The following NBEA variants were observed in gnomAD, a reference collection of about 807,000 sequenced individuals.
The protein encoded by NBEA is neurobeachin.
In NBEA, 44 loss-of-function variants were observed where a neutral mutation model predicts 343.4. The ratio of observed to expected loss-of-function variants is 0.13; its 90% CI spans 0.10 to 0.16. NBEA has a LOEUF of 0.16. NBEA is among the 10% of genes least tolerant of loss of function. The pLI is 1.00. For missense variants in NBEA, 2,555 were observed against 3,631.3 expected, an observed-to-expected ratio of 0.70 and a Z score of 7.62; for synonymous variants, 1,175 against 1,238.7, an observed-to-expected ratio of 0.95 and a Z score of 1.08.
At chr13:35,396,535 T>C (rs1019789305) in intron 38 of NBEA, among the ~76,000 whole-genome samples, 9 of 152,146 alleles carry the variant, frequency 5.9e-5, no homozygotes, top group Non-Finnish European at 1.2e-4. Flanking sequence ...ATGTAAAACA[T>C]AGAAACCTTG....
Position 35,523,068 on chromosome 13 carries a change from T to C in NBEA, c.6586-27409T>C, listed in dbSNP as rs143270311. On this transcript the variant is annotated intron_variant, in intron 41 of 58. Coordinates refer to ENST00000379939, the MANE Select transcript of NBEA (RefSeq NM_001385012.1). ...TTACAGATGAGTCCCAAATGTTTAGTTTGATGGCTTTATGAATAGTGTTGC... is the reference window on the plus strand; with the variant it reads ...TTACAGATGAGTCCCAAATGTTTAGCTTGATGGCTTTATGAATAGTGTTGC... Among the ~76,000 whole-genome samples the C allele has an allele frequency of 1.1e-3, 171 of 152,324 alleles. 1 individual carries two copies. The highest frequency in any genetic ancestry group is 3.8e-3 in the African/African-American group (158 of 41,584).
intron 46 of NBEA, among the ~76,000 whole-genome samples, chr13:35,590,379 G>C (rs959493700): frequency 6.6e-6 from 1 of 152,116 alleles, no homozygotes; most frequent in Non-Finnish European, 1.5e-5. Flanking sequence ...CCTTAAGACA[G>C]TTGTTAATCA....
intron 41 of NBEA, among the ~76,000 whole-genome samples, chr13:35,494,839 ATC>A (rs1289517458): frequency 1.3e-5 from 2 of 151,770 alleles, no homozygotes; most frequent in African/African-American, 4.8e-5. Flanking sequence ...GCAAAACTCC[ATC>A]TCTACAAAAA....
Position 34,942,887 on chromosome 13 carries a change from G to T in NBEA, c.67G>T (p.Gly23Trp), listed in dbSNP as rs1382150762. The T allele has an allele frequency of 6.9e-7, 1 of 1,454,092 alleles. No individual in the cohort carries two copies. The highest frequency in any genetic ancestry group is 9.1e-7 in the Non-Finnish European group (1 of 1,096,212). The allele number at this position is 1,454,092 out of a possible 1,614,324, so 90.1% of individuals were successfully genotyped here. Residue 23 changes from glycine (G) to tryptophan (W), a missense_variant, in exon 1 of 59, where the codon GGG (glycine) becomes TGG (tryptophan). This residue lies in a region of NBEA where 122 missense variants were observed against 91.0 expected (regional missense o/e 1.34). Coordinates refer to ENST00000379939, the MANE Select transcript of NBEA (RefSeq NM_001385012.1). The part of the protein sequence containing the change: ...EPQPVGLIAV[G>W]AAGGGGGGSG... ...TCAGCCCGTGGGGCTCATTGCCGTC[G>T]GGGCCGCTGGCGGAGGCGGCGGGGG...
chr13:35,178,882 G>A (rs929133276), intron 28 of NBEA, among the ~76,000 whole-genome samples: 3 of 151,422 alleles, frequency 2.0e-5, no homozygotes, highest in African/African-American at 7.3e-5. Context: ...CTGAAAAAAT[G>A]TGTTGTGAAA....
chr13:35,357,529 TGTAA>T (rs2040559987), intron 38 of NBEA, among the ~76,000 whole-genome samples: 1 of 152,100 alleles, frequency 6.6e-6, no homozygotes, highest in African/African-American at 2.4e-5. Flanking sequence ...AGCTCCCACT[TGTAA>T]GTGAGAACAC....
intron 1 of NBEA, among the ~76,000 whole-genome samples, chr13:34,991,430 C>T (rs1213895894): frequency 6.6e-6 from 1 of 152,200 alleles, no homozygotes; most frequent in Non-Finnish European, 1.5e-5. Context: ...CACATCTTCA[C>T]ATGGCAGAGC....
At chr13:35,273,835 A>G (rs977692308) in intron 34 of NBEA, among the ~76,000 whole-genome samples, 4 of 152,198 alleles carry the variant, frequency 2.6e-5, no homozygotes, top group African/African-American at 9.6e-5. Context: ...ATCTCTGAAC[A>G]GGACAATAAT....
At chr13:35,499,785 CAATT>C (rs2076816818) in intron 41 of NBEA, among the ~76,000 whole-genome samples, 1 of 152,060 alleles carries the variant, frequency 6.6e-6, no homozygotes, top group Admixed American at 6.6e-5. Flanking sequence ...AGAAGAAACA[CAATT>C]AAACTGTTGC....
At chr13:35,407,286 A>G (rs894156988) in intron 38 of NBEA, among the ~76,000 whole-genome samples, 13 of 152,086 alleles carry the variant, frequency 8.5e-5, no homozygotes, top group African/African-American at 3.1e-4. Context: ...ATCTGTGGTT[A>G]TCACATTGAA....
intron 41 of NBEA, among the ~76,000 whole-genome samples, chr13:35,541,725 G>GGTGTGTGTGT (rs3075505): frequency 0.011 from 1,614 of 145,200 alleles, 16 homozygotes; most frequent in East Asian, 0.032. Flanking sequence ...GGTCTGCATG[G>GGTGTGTGTGT]GTGTGTGTGT....
chr13:35,176,235 A>G (rs1387533460), intron 27 of NBEA, among the ~76,000 whole-genome samples: 2 of 152,086 alleles, frequency 1.3e-5, no homozygotes, highest in African/African-American at 4.8e-5. Context: ...CATGATTGAC[A>G]TTCATTGAGA....
intron 46 of NBEA, among the ~76,000 whole-genome samples, chr13:35,586,012 CT>C (rs1387632546): frequency 1.3e-5 from 2 of 152,158 alleles, no homozygotes; most frequent in Non-Finnish European, 2.9e-5. Context: ...GATAGGAGCA[CT>C]ATAAGTGACT....
At chr13:35,200,279 A>G (rs190678425) in intron 31 of NBEA, among the ~76,000 whole-genome samples, 106 of 151,968 alleles carry the variant, frequency 7.0e-4, no homozygotes, top group Admixed American at 4.3e-3. Flanking sequence ...ACTTTGGAGT[A>G]ATGCTTTTAT....
At chr13:35,361,513 A>C (rs2040805387) in intron 38 of NBEA, among the ~76,000 whole-genome samples, 1 of 152,082 alleles carries the variant, frequency 6.6e-6, no homozygotes, top group African/African-American at 2.4e-5. Flanking sequence ...CTTGACCTGC[A>C]CTGCGGACCA....
intron 8 of NBEA, among the ~76,000 whole-genome samples, chr13:35,064,202 G>C (rs1167361481): frequency 6.6e-6 from 1 of 151,910 alleles, no homozygotes; most frequent in African/African-American, 2.4e-5. Context: ...TTAGGTACCA[G>C]TGAAGTGAGT....
chr13:35,583,852 A>G, intron 45 of NBEA, 46 bp from the exon 46 acceptor site: 1 of 1,383,280 alleles, frequency 7.2e-7, no homozygotes, highest in South Asian at 1.3e-5. Context: ...TATCTAGGAT[A>G]TCTAATATGA....
At chr13:35,651,608 C>T (rs974635683) in intron 52 of NBEA, among the ~76,000 whole-genome samples, 197 bp from the exon 53 acceptor site, 2 of 152,130 alleles carry the variant, frequency 1.3e-5, no homozygotes, top group Admixed American at 6.6e-5. Context: ...CCTTGTACAT[C>T]GTAAGTGGAA....
chr13:35,381,255 C>A (rs1197929553), intron 38 of NBEA, among the ~76,000 whole-genome samples: 1 of 152,122 alleles, frequency 6.6e-6, no homozygotes, highest in East Asian at 1.9e-4. Context: ...GGAATATATA[C>A]TTTCTTTCAT....
Sources: gnomAD v4.1 joint callset for allele counts (sites outside exome capture counted in the v4.1 genomes callset) on GRCh38, gnomAD v4.1.1 for gene constraint, gnomAD v4.1.1 regional missense constraint, MANE v1.5 for transcripts, NCBI Gene and HGNC (gene_info 2026-07-23, HGNC 2026-07-21) for gene names.